CEP170B: variants seen among roughly 807,000 people sequenced by gnomAD.
The protein encoded by CEP170B is centrosomal protein of 170 kDa protein B.
In CEP170B, 55 loss-of-function variants were observed where a neutral mutation model predicts 120.6. The ratio of observed to expected loss-of-function variants is 0.46; its 90% CI spans 0.37 to 0.57. CEP170B has a LOEUF of 0.57. Among genes scored for constraint, CEP170B ranks in the 20% least tolerant of loss-of-function variants. The pLI is 0.00. For synonymous variants in CEP170B, 1,033 were observed against 954.5 expected (o/e 1.08, Z -1.52); for missense variants, 2,212 against 2,253.3 (o/e 0.98, Z 0.37).
intron 9 of CEP170B, 69 bp from the exon 10 acceptor site, chr14:104,885,300 A>G (rs2582549): frequency 0.74 from 1,079,113 of 1,449,612 alleles, 411,066 homozygotes; most frequent in Middle Eastern, 0.82. Flanking sequence ...GGGGGTGGCC[A>G]GTGTCAGTGG....
rs368068386 is a variant in CEP170B at position 104,868,569 on chromosome 14, G to A, written c.105+14G>A. 7.2e-5 allele frequency: 111 copies of A among 1,547,236 alleles called. 1 individual carries two copies. In the Middle Eastern group the frequency reaches 7.2e-4, roughly 10 times the overall value. On this transcript the variant is annotated intron_variant, in intron 2 of 18. Coordinates refer to ENST00000414716, the MANE Select transcript of CEP170B (RefSeq NM_001112726.3). This position sits in a 1 kb window ranked among gnomAD's most constrained non-coding sequence, Gnocchi z 5.9. ...CTCATGCTACAGGTTTGCAGGGAGC[G>A]CTTGGGGCCAGGAGGGTAGGGGGTA...
At chr14:104,874,220 G>A (rs760598128) in intron 2 of CEP170B, among the ~76,000 whole-genome samples, 2 of 152,202 alleles carry the variant, frequency 1.3e-5, no homozygotes, top group Non-Finnish European at 2.9e-5. Flanking sequence ...TCCAATGGAG[G>A]AGGTGATGTC....
chr14:104,868,462 G>T lies in CEP170B; in HGVS notation c.12G>T (p.Thr4=). 1 of 1,548,862 alleles carries T rather than the reference G, an allele frequency of 6.5e-7. No individual in the cohort carries two copies. Among genetic ancestry groups the T allele is most frequent in the South Asian group, 1.2e-5 (1 of 84,000 alleles). The change falls in exon 2 of 19, where the codon ACG becomes ACT. Residue 4 remains threonine, a synonymous_variant. Transcript: ENST00000414716. This position sits in a 1 kb window ranked among gnomAD's most constrained non-coding sequence, Gnocchi z 5.9. MSA[T]SWFLVSSSGA... is the part of the protein sequence containing the mutation. The stretch of plus-strand genomic sequence containing the variant: ...CAGCCAGCACCAAGATGAGTGCCAC[G>T]TCCTGGTTCCTGGTGAGCAGCAGCG...
chr14:104,879,920 G>A, intron 5 of CEP170B, among the ~76,000 whole-genome samples: 1 of 152,162 alleles, frequency 6.6e-6, no homozygotes, highest in East Asian at 1.9e-4. Flanking sequence ...TCTCCGAGCA[G>A]CCTGGGGTCC....
intron 2 of CEP170B, among the ~76,000 whole-genome samples, chr14:104,873,735 C>T (rs578104591): frequency 1.3e-5 from 2 of 152,204 alleles, no homozygotes; most frequent in East Asian, 1.9e-4. Flanking sequence ...ATCCAAGTCA[C>T]CCGCCCTCAG....
At chr14:104,886,245 C>A in intron 11 of CEP170B, 30 bp from the exon 12 acceptor site, 2 of 1,489,090 alleles carry the variant, frequency 1.3e-6, no homozygotes, top group Non-Finnish European at 1.8e-6. Flanking sequence ...GACCAGCGGC[C>A]CTCTAACCGG....
rs564874131 is a variant in CEP170B at position 104,896,378 on chromosome 14, C to T, written c.*1420C>T. 177 of 346,370 alleles carry T rather than the reference C, an allele frequency of 5.1e-4. 1 individual carries two copies. Among genetic ancestry groups the T allele is most frequent in the Admixed American group, 8.1e-4 (21 of 26,042 alleles). 21.5% of individuals were successfully genotyped at this position (346,370 alleles called of 1,614,324 possible). A position where few individuals can be genotyped will look rare whatever the true frequency, so the allele number is the denominator to read the frequency against. ...CCCCCCTGGTCCCCGCCCCAAGAGC[C>T]TGCTGTCTGTATGGAGGAGGTGCTA... On this transcript the variant is annotated 3_prime_UTR_variant, in exon 19 of 19. Transcript: ENST00000414716.
intron 1 of CEP170B, among the ~76,000 whole-genome samples, chr14:104,866,913 G>A (rs987083177): frequency 6.6e-6 from 1 of 152,090 alleles, no homozygotes; most frequent in Admixed American, 6.5e-5. Context: ...CTCAGCTGCT[G>A]TCATCCCTGT....
chr14:104,885,102 G>GGCCCAGCCCTGGCTCCT (rs1212810721), intron 9 of CEP170B, among the ~76,000 whole-genome samples: 1 of 151,902 alleles, frequency 6.6e-6, no homozygotes, highest in East Asian at 1.9e-4. Context: ...GTCCTGCTCC[G>GGCCCAGCCCTGGCTCCT]GCCCAGCCCT....
intron 2 of CEP170B, among the ~76,000 whole-genome samples, chr14:104,871,336 A>T (rs924772962): frequency 6.7e-6 from 1 of 148,752 alleles, no homozygotes; most frequent in African/African-American, 2.5e-5. Context: ...CGTCCCTTCC[A>T]CCCGGGGTCC....
intron 16 of CEP170B, 124 bp downstream of exon 16, chr14:104,893,973 C>T: frequency 1.1e-6 from 1 of 914,794 alleles, no homozygotes; most frequent in South Asian, 1.5e-5. Context: ...ACCTGTGGAG[C>T]AGCCCTCCCG....
At chr14:104,894,475 C>T in intron 17 of CEP170B, 62 bp from the exon 18 acceptor site, 1 of 1,603,736 alleles carries the variant, frequency 6.2e-7, no homozygotes, top group South Asian at 1.1e-5. Context: ...CACACAGAGC[C>T]CCGGGGCAGG....
Position 104,895,117 on chromosome 14 carries a change from A to G in CEP170B, c.*159A>G, listed in dbSNP as rs999084914. ...CCTCCCACGCCCTTGCCCCCTCGTCAGCTCCCAGCCAGCACCCTACTCACC... is the reference window on the plus strand; with the variant it reads ...CCTCCCACGCCCTTGCCCCCTCGTCGGCTCCCAGCCAGCACCCTACTCACC... On this transcript the variant is annotated 3_prime_UTR_variant, in exon 19 of 19. Coordinates refer to ENST00000414716, the MANE Select transcript of CEP170B (RefSeq NM_001112726.3). The G allele has an allele frequency of 5.0e-6, 4 of 794,398 alleles. No individual in the cohort carries two copies. The highest frequency in any genetic ancestry group is 2.0e-5 in the South Asian group (1 of 51,004). 49.2% of individuals were successfully genotyped at this position (794,398 alleles called of 1,614,324 possible).
intron 6 of CEP170B, among the ~76,000 whole-genome samples, chr14:104,881,838 CAG>C (rs1455191557): frequency 1.3e-5 from 2 of 152,300 alleles, no homozygotes; most frequent in African/African-American, 4.8e-5. Flanking sequence ...TGACACATCT[CAG>C]GGGCCCTGCA....
At chr14:104,872,479 G>GCGTGTGTGCCGTGTGGGTGC in intron 2 of CEP170B, among the ~76,000 whole-genome samples, 1 of 96,066 alleles carries the variant, frequency 1.0e-5, no homozygotes, top group African/African-American at 4.0e-5. Context: ...CCGTGTGTGT[G>GCGTGTGTGCCGTGTGGGTGC]CGTGTGTGCC....
rs754581900 is a variant in CEP170B, at chr14:104,893,589, C to G, written c.4105C>G (p.Arg1369Gly). ...GGTGCCGCCCGGCTCGCTGAACTCT[C>G]GGGACTTTGACCAGAACATGAACGA... ...QKVPPGSLNS[R>G]DFDQNMNDSC... The change falls in exon 15 of 19, where the codon CGG becomes GGG. Residue 1369 changes from arginine (R) to glycine (G), a missense_variant. By Grantham distance (125) the Arg-to-Gly change is moderately radical. Transcript: ENST00000414716. 1.2e-6 allele frequency: 2 copies of G among 1,603,378 alleles called. No homozygotes were observed. The highest frequency in any genetic ancestry group is 2.2e-5 in the South Asian group (2 of 88,916).
chr14:104,883,176 C>A lies in CEP170B; in HGVS notation c.719C>A (p.Pro240His). ...TKETPQPSQP[P>H]EVPAHEMPTK... ...GAGACCCCGCAGCCGTCGCAGCCCC[C>A]CGAGGTGCCGGCACACGAGATGCCC... Residue 240 changes from proline (P) to histidine (H), a missense_variant, in exon 8 of 19, where the codon CCC becomes CAC. Transcript: ENST00000414716. 6.3e-7 allele frequency: 1 copy of A among 1,599,406 alleles called. No homozygotes were observed. The highest frequency in any genetic ancestry group is 8.5e-7 in the Non-Finnish European group (1 of 1,175,400).
In CEP170B at chr14:104,891,718, T is replaced by C. The variant is rs1052271691; in HGVS notation, c.3879-1258T>C. Among the ~76,000 whole-genome samples the C allele has an allele frequency of 6.6e-6, 1 of 151,918 alleles. No individual in the cohort carries two copies. Reference sequence around the variant, plus strand: ...AGGGGATGTGGGGGGCCCATGTGGGTTTCTGGAGTTCTCTGCCTTCCATGG... The same window carrying C: ...AGGGGATGTGGGGGGCCCATGTGGGCTTCTGGAGTTCTCTGCCTTCCATGG... On this transcript the variant is annotated intron_variant, in intron 13 of 18. Transcript: ENST00000414716. The surrounding 1 kb of genome is among the most constrained non-coding windows in gnomAD (Gnocchi z 4.3).
chr14:104,885,979 C>A (rs1313446855), intron 10 of CEP170B, 61 bp from the exon 11 acceptor site: 30 of 1,420,318 alleles, frequency 2.1e-5, no homozygotes, highest in Non-Finnish European at 2.6e-5. Context: ...TGTTCCCTGG[C>A]ACCCCCTGCT....
Sources: allele counts gnomAD v4.1 joint callset (sites outside exome capture counted in the v4.1 genomes callset), GRCh38; gene constraint gnomAD v4.1.1; non-coding constraint Gnocchi (gnomAD v3.1); transcripts MANE v1.5; gene names NCBI Gene and HGNC (gene_info 2026-07-23, HGNC 2026-07-21).